Variants in TRAM1 observed in about 807,000 individuals in gnomAD.
TRAM1 encodes translocation associated membrane protein 1, also known as translocating chain-associated membrane protein 1.
In TRAM1, 17 loss-of-function variants were observed where a neutral mutation model predicts 48.7. The ratio of observed to expected loss-of-function variants is 0.35; its 90% CI spans 0.24 to 0.52. The LOEUF is 0.52. Among genes scored for constraint, TRAM1 ranks in the 20% least tolerant of loss-of-function variants. TRAM1 has a pLI of 0.94. For missense variants in TRAM1, 351 were observed against 441.5 expected (o/e 0.79, Z 1.84); for synonymous variants, 182 against 154.0 (o/e 1.18, Z -1.34).
intron 10 of TRAM1, among the ~76,000 whole-genome samples, chr8:70,577,747 C>T (rs1816989371): frequency 6.6e-6 from 1 of 152,202 alleles, no homozygotes; most frequent in Non-Finnish European, 1.5e-5. Context: ...TCTGGGAAGC[C>T]CAGATCTAGG....
intron 1 of TRAM1, among the ~76,000 whole-genome samples, chr8:70,601,356 T>C (rs932968284): frequency 6.6e-5 from 10 of 152,202 alleles, no homozygotes; most frequent in African/African-American, 2.4e-4. Flanking sequence ...GGAAAATATT[T>C]CCCATCAGAT....
At position 70,599,370 on chromosome 8, in the gene TRAM1, G is replaced by T. The variant is rs539049714; in HGVS notation, c.187+649C>A. Among the ~76,000 whole-genome samples the T allele has an allele frequency of 7.9e-5, 12 of 152,268 alleles. No homozygotes were observed. The South Asian group carries it at 2.5e-3, about 32-fold the overall frequency. On this transcript the variant is annotated intron_variant, in intron 2 of 10. Transcript: ENST00000262213. ...AAATAAAAAACTGTGCAGGTTTACTGCCTCAACCAAAAAATACCCCATCCC... is the reference window on the plus strand; with the variant it reads ...AAATAAAAAACTGTGCAGGTTTACTTCCTCAACCAAAAAATACCCCATCCC...
chr8:70,595,257 T>C (rs1241119743), intron 5 of TRAM1, among the ~76,000 whole-genome samples: 4 of 151,498 alleles, frequency 2.6e-5, no homozygotes, highest in Non-Finnish European at 4.4e-5. Flanking sequence ...CCCTGCTCCT[T>C]CTCCTCCAGA....
chr8:70,607,995 G>A (rs2132052414), intron 1 of TRAM1, 82 bp downstream of exon 1: 1 of 1,444,148 alleles, frequency 6.9e-7, no homozygotes, highest in African/African-American at 1.5e-5. Flanking sequence ...CGTCCTGGGC[G>A]GAGAAGCCGG....
chr8:70,606,232 C>T (rs1294500173), intron 1 of TRAM1, among the ~76,000 whole-genome samples: 1 of 152,098 alleles, frequency 6.6e-6, no homozygotes, highest in Non-Finnish European at 1.5e-5. Context: ...TTGCTCTGTC[C>T]TTCAGGCTGG....
rs915607351 is a variant in TRAM1 at position 70,584,694 on chromosome 8, A to G, written c.747-901T>C. Among the ~76,000 whole-genome samples the G allele has an allele frequency of 2.6e-5, 4 of 152,210 alleles. 1 individual carries two copies. In the East Asian group the frequency reaches 5.8e-4, roughly 22 times the overall value. On this transcript the variant is annotated intron_variant, in intron 8 of 10. Coordinates refer to ENST00000262213, the MANE Select transcript of TRAM1 (RefSeq NM_014294.6). ...CCCATTCATAATTGCTTCAAAGAGA[A>G]TAAAATACCTAGGAATCCAACTTAC...
At chr8:70,576,539 G>T (rs569136438) in intron 10 of TRAM1, among the ~76,000 whole-genome samples, 187 of 152,248 alleles carry the variant, frequency 1.2e-3, no homozygotes, top group Non-Finnish European at 2.1e-3. Flanking sequence ...AAAGAGAAAC[G>T]ACTAAGAAAC....
At position 70,574,957 on chromosome 8, in the gene TRAM1, C is replaced by T. The variant is rs200901078; in HGVS notation, c.1100G>A (p.Arg367Gln). 181 of 1,609,150 alleles carry T rather than the reference C, an allele frequency of 1.1e-4. No individual in the cohort carries two copies. The highest frequency in any genetic ancestry group is 1.5e-4 in the South Asian group (14 of 90,490). ...TTATGAAGATTTCTCTTTTTTATTCCGGGGAGAGTCTGCTACATTTGAAGT... is the reference window on the plus strand; with the variant it reads ...TTATGAAGATTTCTCTTTTTTATTCTGGGGAGAGTCTGCTACATTTGAAGT... ...TLTSNVADSP[R>Q]NKKEKSS Residue 367 changes from arginine to glutamine, a missense_variant, in exon 11 of 11, where the codon CGG becomes CAG. Coordinates refer to ENST00000262213, the MANE Select transcript of TRAM1 (RefSeq NM_014294.6).
chr8:70,597,929 A>G lies in TRAM1; in HGVS notation c.392T>C (p.Phe131Ser), dbSNP rs967136353. 5 of 1,601,574 alleles carry G rather than the reference A, an allele frequency of 3.1e-6. No homozygotes were observed. The highest frequency in any genetic ancestry group is 4.3e-6 in the Non-Finnish European group (5 of 1,172,664). ...ESGQLSAFYLFACVWGTFILI... is the reference protein window; with the variant it reads ...ESGQLSAFYLSACVWGTFILI... ...AATGAATGTGCCCCAAACACAGGCAAAAAGGTAGAACGCACTAAGCTGACC... is the reference window on the plus strand; with the variant it reads ...AATGAATGTGCCCCAAACACAGGCAGAAAGGTAGAACGCACTAAGCTGACC... Residue 131 changes from phenylalanine to serine, a missense_variant, in exon 4 of 11, where the codon TTT becomes TCT. Transcript: ENST00000262213.
At chr8:70,575,658 A>C (rs908076915) in intron 10 of TRAM1, among the ~76,000 whole-genome samples, 3 of 152,184 alleles carry the variant, frequency 2.0e-5, no homozygotes, top group Non-Finnish European at 2.9e-5. Flanking sequence ...CAAAAATACA[A>C]AAGTTGCATA....
chr8:70,608,239 G>C lies in TRAM1; in HGVS notation c.-40C>G, dbSNP rs1243105485. ...CCGCGCCTGCAGGTGCTCCGCCCCGGTTCTGCTCTTCCCAGCTGCTCACCG... is the reference window on the plus strand; with the variant it reads ...CCGCGCCTGCAGGTGCTCCGCCCCGCTTCTGCTCTTCCCAGCTGCTCACCG... On this transcript the variant is annotated 5_prime_UTR_variant, in exon 1 of 11. Transcript: ENST00000262213. 3 of 1,559,786 alleles carry C rather than the reference G, an allele frequency of 1.9e-6. No homozygotes were observed. Among genetic ancestry groups the C allele is most frequent in the Non-Finnish European group, 1.7e-6 (2 of 1,158,274 alleles).
chr8:70,597,283 G>A (rs1037801756), intron 4 of TRAM1, among the ~76,000 whole-genome samples: 1 of 152,122 alleles, frequency 6.6e-6, no homozygotes, highest in African/African-American at 2.4e-5. Context: ...GGAAAACACT[G>A]GGGCTGTTTT....
rs1816912648 is a variant in TRAM1 at position 70,574,915 on chromosome 8, A to T, written c.*17T>A. The T allele has an allele frequency of 2.0e-6, 3 of 1,530,062 alleles. No individual in the cohort carries two copies. Among genetic ancestry groups the T allele is most frequent in the African/African-American group, 1.4e-5 (1 of 73,000 alleles). 94.8% of individuals were successfully genotyped at this position (1,530,062 alleles called of 1,614,324 possible). ...GCAGATTTCTTTGGGGACATTAATC[A>T]ATTAGTTTATAATTCATTATGAAGA... On this transcript the variant is annotated 3_prime_UTR_variant, in exon 11 of 11. Transcript: ENST00000262213.
chr8:70,583,420 T>A (rs1026128268), intron 9 of TRAM1, 96 bp from the exon 10 acceptor site: 4 of 1,393,664 alleles, frequency 2.9e-6, no homozygotes, highest in African/African-American at 1.5e-5. Flanking sequence ...TAATTCCCAC[T>A]CAGTTGAGAA....
At chr8:70,588,353 A>G (rs577594601) in intron 6 of TRAM1, among the ~76,000 whole-genome samples, 2 of 152,306 alleles carry the variant, frequency 1.3e-5, no homozygotes, top group East Asian at 3.9e-4. Flanking sequence ...TGGGAGGCTG[A>G]GACAGGAGGA....
chr8:70,598,506 CA>C (rs1817538031), intron 2 of TRAM1, among the ~76,000 whole-genome samples: 1 of 151,994 alleles, frequency 6.6e-6, no homozygotes, highest in African/African-American at 2.4e-5. Context: ...CACCAAAGAC[CA>C]AAAAACAGGG....
intron 6 of TRAM1, among the ~76,000 whole-genome samples, chr8:70,590,134 G>A (rs1327299392): frequency 1.7e-5 from 2 of 116,918 alleles, no homozygotes; most frequent in African/African-American, 6.4e-5. Flanking sequence ...ACTTGGGTAA[G>A]GCAATGTAAA....
chr8:70,597,085 T>TG (rs1817503092), intron 4 of TRAM1, among the ~76,000 whole-genome samples: 1 of 152,068 alleles, frequency 6.6e-6, no homozygotes, highest in Non-Finnish European at 1.5e-5. Context: ...TCTAATACAG[T>TG]GATTAGAAAG....
chr8:70,580,537 G>A (rs1012478194), intron 10 of TRAM1, among the ~76,000 whole-genome samples: 2 of 152,056 alleles, frequency 1.3e-5, no homozygotes, highest in Non-Finnish European at 2.9e-5. Context: ...AGGAATCAGA[G>A]GGGAACTTCC....
Sources: allele counts gnomAD v4.1 joint callset (sites outside exome capture counted in the v4.1 genomes callset), GRCh38; gene constraint gnomAD v4.1.1; transcripts MANE v1.5; gene names NCBI Gene and HGNC (gene_info 2026-07-23, HGNC 2026-07-21).